PSPN: variants seen among roughly 807,000 people sequenced by gnomAD.
PSPN encodes the protein persephin.
A neutral mutation model predicts 9.4 loss-of-function variants in PSPN; 12 were observed. The ratio of observed to expected loss-of-function variants is 1.28; its 90% confidence interval spans 0.82 to 2.07. PSPN has a LOEUF of 2.07. PSPN is among the 30% of genes most tolerant of loss of function. The pLI, the probability that PSPN is intolerant of heterozygous loss-of-function variation, is 0.00. For synonymous variants in PSPN, 115 were observed against 106.4 expected, an observed-to-expected ratio of 1.08 and a Z score of -0.50; for missense variants, 229 against 227.4, an observed-to-expected ratio of 1.01 and a Z score of -0.05.
Position 6,375,813 on chromosome 19 carries a change from G to GC in PSPN, c.36dup (p.Leu13AlafsTer27). ...CCCTGTCCCAGCTGCAGGGACAGGAGCAGCAGGGAGCCCAGCAGGAACTTC... is the reference window on the plus strand; with the variant it reads ...CCCTGTCCCAGCTGCAGGGACAGGAGCCAGCAGGGAGCCCAGCAGGAACTTC... On this transcript the variant is annotated frameshift_variant, in exon 1 of 2. Coordinates refer to ENST00000245810, the MANE Select transcript of PSPN (RefSeq NM_004158.5). LOFTEE classifies it high-confidence loss of function. 6.2e-7 allele frequency: 1 copy of GC among 1,614,102 alleles called. No individual in the cohort carries two copies. The highest frequency in any genetic ancestry group is 8.5e-7 in the Non-Finnish European group (1 of 1,179,998).
In PSPN at chr19:6,375,474, G is replaced by T. The variant is rs771204750; in HGVS notation, c.291C>A (p.Cys97Ter). The part of the protein sequence containing the change: ...KVIFRYCAGS[C>*]PRGARTQHGL... ...CATGCTGGGTGCGGGCACCACGGGG[G>T]CAGCTGCCGGCGCAGTAGCGGAAGA... Residue 97 changes from cysteine (C) to a stop codon, truncating the protein, a stop_gained, in exon 2 of 2, where the codon TGC becomes TGA. Coordinates refer to ENST00000245810, the MANE Select transcript of PSPN (RefSeq NM_004158.5). LOFTEE classifies it high-confidence loss of function. 6.4e-7 allele frequency: 1 copy of T among 1,554,228 alleles called. No homozygotes were observed. Among genetic ancestry groups the T allele is most frequent in the Non-Finnish European group, 8.7e-7 (1 of 1,149,108 alleles).
At position 6,375,282 on chromosome 19, in the gene PSPN, G is replaced by A; in HGVS notation, c.*12C>T. ...CCAGCACTGCAGCTTCTGGGTGCCA[G>A]GCCGGGCACCCTCAGCCACCACAGC... On this transcript the variant is annotated 3_prime_UTR_variant, in exon 2 of 2. Coordinates refer to ENST00000245810, the MANE Select transcript of PSPN (RefSeq NM_004158.5). 7.1e-7 allele frequency: 1 copy of A among 1,408,384 alleles called. No homozygotes were observed. Among genetic ancestry groups the A allele is most frequent in the South Asian group, 1.5e-5 (1 of 64,642 alleles). 87.2% of individuals were successfully genotyped at this position (1,408,384 alleles called of 1,614,324 possible). A position where few individuals can be genotyped will look rare whatever the true frequency, so the allele number is the denominator to read the frequency against.
In PSPN at chr19:6,375,328, T is replaced by C; in HGVS notation, c.437A>G (p.Gln146Arg). The change falls in exon 2 of 2, where the codon CAG becomes CGG. Residue 146 changes from glutamine (Q) to arginine (R), a missense_variant. By Grantham distance (43) the Gln-to-Arg change is conservative. Coordinates refer to ENST00000245810, the MANE Select transcript of PSPN (RefSeq NM_004158.5). The stretch of plus-strand genomic sequence containing the variant: ...ACAGCCGCAGGCAGCCGCCGAGAGC[T>C]GGGGCAGCCGCTGCCAGCGGTGGCG... The part of the protein sequence containing the change: ...DDRHRWQRLP[Q>R]LSAAACGCGG 14 of 1,441,826 alleles carry C rather than the reference T, an allele frequency of 9.7e-6. No individual in the cohort carries two copies. Among genetic ancestry groups the C allele is most frequent in the Non-Finnish European group, 1.2e-5 (13 of 1,109,308 alleles). The allele number at this position is 1,441,826 out of a possible 1,614,324, so 89.3% of individuals were successfully genotyped here. A position where few individuals can be genotyped will look rare whatever the true frequency, so the allele number is the denominator to read the frequency against.
Position 6,375,602 on chromosome 19 carries a change from G to T in PSPN, c.163C>A (p.Leu55Ile). Residue 55 changes from leucine to isoleucine, a missense_variant, in exon 2 of 2, where the codon CTT becomes ATT. Leu to Ile is a conservative substitution (Grantham distance 5). Coordinates refer to ENST00000245810, the MANE Select transcript of PSPN (RefSeq NM_004158.5). Reference protein sequence around the residue: ...GGTWLGTHRPLARLRRALSGP... With the variant: ...GGTWLGTHRPIARLRRALSGP... ...GACAGGGCTCGGCGCAGGCGGGCAA[G>T]GGGGCGGTGGGTGCCTGTGGGAGGG... is the stretch of plus-strand genomic sequence containing the variant. 6.3e-7 allele frequency: 1 copy of T among 1,584,114 alleles called. No individual in the cohort carries two copies.
rs986229354 is a variant in PSPN, at chr19:6,375,930, C to T, written c.-81G>A. On this transcript the variant is annotated 5_prime_UTR_variant, in exon 1 of 2. Coordinates refer to ENST00000245810, the MANE Select transcript of PSPN (RefSeq NM_004158.5). ...GGCTGGGAGCTAACCTCTTCACTGCCGGCCCCTGCAGCCAGGAGGCCCCAC... is the reference window on the plus strand; with the variant it reads ...GGCTGGGAGCTAACCTCTTCACTGCTGGCCCCTGCAGCCAGGAGGCCCCAC... The T allele has an allele frequency of 4.0e-5, 64 of 1,581,706 alleles. No individual in the cohort carries two copies. The highest frequency in any genetic ancestry group is 6.9e-5 in the Admixed American group (4 of 57,770).
Position 6,375,280 on chromosome 19 carries a change from C to T in PSPN, c.*14G>A, listed in dbSNP as rs907553327. ...CCCCAGCACTGCAGCTTCTGGGTGC[C>T]AGGCCGGGCACCCTCAGCCACCACA... On this transcript the variant is annotated 3_prime_UTR_variant, in exon 2 of 2. Transcript: ENST00000245810. The T allele has an allele frequency of 4.3e-6, 6 of 1,407,254 alleles. No individual in the cohort carries two copies. The highest frequency in any genetic ancestry group is 5.5e-6 in the Non-Finnish European group (6 of 1,090,672). The allele number at this position is 1,407,254 out of a possible 1,614,324, so 87.2% of individuals were successfully genotyped here.
rs767589439 is a variant in PSPN at position 6,375,826 on chromosome 19, C to T, written c.24G>A (p.Leu8=). 1 of 1,614,040 alleles carries T rather than the reference C, an allele frequency of 6.2e-7. No homozygotes were observed. Among genetic ancestry groups the T allele is most frequent in the Non-Finnish European group, 8.5e-7 (1 of 1,179,970 alleles). MAVGKFL[L]GSLLLLSLQL... Reference sequence around the variant, plus strand: ...GCAGGGACAGGAGCAGCAGGGAGCCCAGCAGGAACTTCCCTACGGCCATTG... The same window carrying T: ...GCAGGGACAGGAGCAGCAGGGAGCCTAGCAGGAACTTCCCTACGGCCATTG... The change falls in exon 1 of 2, where the codon CTG becomes CTA. Residue 8 remains leucine, a synonymous_variant. Transcript: ENST00000245810.
In PSPN at chr19:6,375,527, G is replaced by A. The variant is rs1323669804; in HGVS notation, c.238C>T (p.Leu80=). ...SLTLSVAELG[L]GYASEEKVIF... is the part of the protein sequence containing the mutation. ...ACCTTCTCCTCTGAGGCGTAGCCCAGGCCTAGCTCTGCCACGGACAGGGTC... is the reference window on the plus strand; with the variant it reads ...ACCTTCTCCTCTGAGGCGTAGCCCAAGCCTAGCTCTGCCACGGACAGGGTC... Residue 80 remains leucine (L), a synonymous_variant, in exon 2 of 2, where the codon CTG becomes TTG. Coordinates refer to ENST00000245810, the MANE Select transcript of PSPN (RefSeq NM_004158.5). 3 of 1,567,366 alleles carry A rather than the reference G, an allele frequency of 1.9e-6. No individual in the cohort carries two copies. The highest frequency in any genetic ancestry group is 1.9e-5 in the Admixed American group (1 of 52,564).
At position 6,375,648 on chromosome 19, in the gene PSPN, G is replaced by A. The variant is rs975927960; in HGVS notation, c.149-32C>T. ...GAGGGAAGGGCGCTGACAGTGAGCAGGGTCAGGGCTGGGGAAAGTTGGGAA... is the reference window on the plus strand; with the variant it reads ...GAGGGAAGGGCGCTGACAGTGAGCAAGGTCAGGGCTGGGGAAAGTTGGGAA... On this transcript the variant is annotated intron_variant, in intron 1 of 1. Transcript: ENST00000245810. 8 of 1,603,194 alleles carry A rather than the reference G, an allele frequency of 5.0e-6. No individual in the cohort carries two copies. In the African/African-American group the frequency reaches 6.7e-5, roughly 13 times the overall value.
chr19:6,375,480 G>C lies in PSPN; in HGVS notation c.285C>G (p.Gly95=). The C allele has an allele frequency of 1.3e-6, 2 of 1,555,078 alleles. No homozygotes were observed. The highest frequency in any genetic ancestry group is 1.7e-6 in the Non-Finnish European group (2 of 1,149,516). Residue 95 remains glycine (G), a synonymous_variant, in exon 2 of 2, where the codon GGC becomes GGG. Coordinates refer to ENST00000245810, the MANE Select transcript of PSPN (RefSeq NM_004158.5). ...EEKVIFRYCA[G]SCPRGARTQH... Reference sequence around the variant, plus strand: ...GGGTGCGGGCACCACGGGGGCAGCTGCCGGCGCAGTAGCGGAAGATGACCT... The same window carrying C: ...GGGTGCGGGCACCACGGGGGCAGCTCCCGGCGCAGTAGCGGAAGATGACCT...
rs147164188 is a variant in PSPN at position 6,375,608 on chromosome 19, G to A, written c.157C>T (p.Arg53Cys). ...GCTCGGCGCAGGCGGGCAAGGGGGC[G>A]GTGGGTGCCTGTGGGAGGGAAGGGC... is the stretch of plus-strand genomic sequence containing the variant. ...KAGGTWLGTH[R>C]PLARLRRALS... The change falls in exon 2 of 2, where the codon CGC (arginine) becomes TGC (cysteine). Residue 53 changes from arginine to cysteine, a missense_variant. Physicochemically the swap from Arg to Cys is radical, Grantham distance 180 (BLOSUM62 -3). Coordinates refer to ENST00000245810, the MANE Select transcript of PSPN (RefSeq NM_004158.5). 27 of 1,585,752 alleles carry A rather than the reference G, an allele frequency of 1.7e-5. No individual in the cohort carries two copies. Among genetic ancestry groups the A allele is most frequent in the African/African-American group, 1.3e-4 (10 of 74,392 alleles).
In PSPN at chr19:6,375,460, C is replaced by T. The variant is rs138093884; in HGVS notation, c.305G>A (p.Arg102His). The T allele has an allele frequency of 1.1e-5, 17 of 1,545,330 alleles. No individual in the cohort carries two copies. In the East Asian group the frequency reaches 2.2e-4, roughly 20 times the overall value. The change falls in exon 2 of 2, where the codon CGC becomes CAC. Residue 102 changes from arginine to histidine, a missense_variant. Transcript: ENST00000245810. ...YCAGSCPRGARTQHGLALARL... is the reference protein window; with the variant it reads ...YCAGSCPRGAHTQHGLALARL... ...GGCCAGCGCCAGGCCATGCTGGGTG[C>T]GGGCACCACGGGGGCAGCTGCCGGC...
At position 6,375,256 on chromosome 19, in the gene PSPN, C is replaced by T. The variant is rs1362002912; in HGVS notation, c.*38G>A. 1 of 1,402,364 alleles carries T rather than the reference C, an allele frequency of 7.1e-7. No individual in the cohort carries two copies. The highest frequency in any genetic ancestry group is 2.8e-5 in the East Asian group (1 of 35,578). 86.9% of individuals were successfully genotyped at this position (1,402,364 alleles called of 1,614,324 possible). A position where few individuals can be genotyped will look rare whatever the true frequency, so the allele number is the denominator to read the frequency against. ...CCAATAAATAAGTCAGCCGAGCTCCCCCAGCACTGCAGCTTCTGGGTGCCA... is the reference window on the plus strand; with the variant it reads ...CCAATAAATAAGTCAGCCGAGCTCCTCCAGCACTGCAGCTTCTGGGTGCCA... On this transcript the variant is annotated 3_prime_UTR_variant, in exon 2 of 2. Coordinates refer to ENST00000245810, the MANE Select transcript of PSPN (RefSeq NM_004158.5).
chr19:6,375,916 A>C lies in PSPN; in HGVS notation c.-67T>G. 1.9e-6 allele frequency: 3 copies of C among 1,603,892 alleles called. No homozygotes were observed. Among genetic ancestry groups the C allele is most frequent in the Non-Finnish European group, 2.6e-6 (3 of 1,174,702 alleles). ...TTATGCCCTGCCTGGGCTGGGAGCT[A>C]ACCTCTTCACTGCCGGCCCCTGCAG... On this transcript the variant is annotated 5_prime_UTR_variant, in exon 1 of 2. Transcript: ENST00000245810.
chr19:6,375,152 G>A lies in PSPN; in HGVS notation c.*142C>T. On this transcript the variant is annotated 3_prime_UTR_variant, in exon 2 of 2. Coordinates refer to ENST00000245810, the MANE Select transcript of PSPN (RefSeq NM_004158.5). ...ACACATGGTCAAAGTCACAAGGCCG[G>A]GAGAGTGGTGTCCTTTATTGCACTC... 1 of 1,289,916 alleles carries A rather than the reference G, an allele frequency of 7.8e-7. No homozygotes were observed. The highest frequency in any genetic ancestry group is 1.0e-6 in the Non-Finnish European group (1 of 972,912). The allele number at this position is 1,289,916 out of a possible 1,614,324, so 79.9% of individuals were successfully genotyped here.
rs1240357484 is a variant in PSPN, at chr19:6,375,747, C to G, written c.103G>C (p.Glu35Gln). ...TTTGCCACCTGTTCAGACGAGAACT[C>G]TCCATCGGCCACGGGAACCCCACGG... is the stretch of plus-strand genomic sequence containing the variant. Reference protein sequence around the residue: ...DARGVPVADGEFSSEQVAKAG... With the variant: ...DARGVPVADGQFSSEQVAKAG... Residue 35 changes from glutamate (E) to glutamine (Q), a missense_variant, in exon 1 of 2, where the codon GAG becomes CAG. Physicochemically the swap from Glu to Gln is conservative, Grantham distance 29. Transcript: ENST00000245810. The G allele has an allele frequency of 1.2e-6, 2 of 1,614,074 alleles. No individual in the cohort carries two copies. Among genetic ancestry groups the G allele is most frequent in the South Asian group, 2.2e-5 (2 of 91,074 alleles).
chr19:6,375,154 A>G lies in PSPN; in HGVS notation c.*140T>C. On this transcript the variant is annotated 3_prime_UTR_variant, in exon 2 of 2. Transcript: ENST00000245810. ...ACATGGTCAAAGTCACAAGGCCGGGAGAGTGGTGTCCTTTATTGCACTCAC... is the reference window on the plus strand; with the variant it reads ...ACATGGTCAAAGTCACAAGGCCGGGGGAGTGGTGTCCTTTATTGCACTCAC... 7.8e-7 allele frequency: 1 copy of G among 1,286,952 alleles called. No individual in the cohort carries two copies. Among genetic ancestry groups the G allele is most frequent in the South Asian group, 1.6e-5 (1 of 61,252 alleles). 79.7% of individuals were successfully genotyped at this position (1,286,952 alleles called of 1,614,324 possible).
At position 6,375,280 on chromosome 19, in the gene PSPN, C is replaced by A; in HGVS notation, c.*14G>T. ...CCCCAGCACTGCAGCTTCTGGGTGC[C>A]AGGCCGGGCACCCTCAGCCACCACA... On this transcript the variant is annotated 3_prime_UTR_variant, in exon 2 of 2. Transcript: ENST00000245810. 7.1e-7 allele frequency: 1 copy of A among 1,407,254 alleles called. No individual in the cohort carries two copies. Among genetic ancestry groups the A allele is most frequent in the South Asian group, 1.6e-5 (1 of 64,508 alleles). The allele number at this position is 1,407,254 out of a possible 1,614,324, so 87.2% of individuals were successfully genotyped here.
At chr19:6,375,671 G>T in intron 1 of PSPN, 31 bp downstream of exon 1, 1 of 1,610,020 alleles carries the variant, frequency 6.2e-7, no homozygotes, top group South Asian at 1.1e-5. Flanking sequence ...GGAAAGTTGG[G>T]AAGTCACAGA....
Sources: gnomAD v4.1 joint callset for allele counts on GRCh38, gnomAD v4.1.1 for gene constraint, MANE v1.5 for transcripts, NCBI Gene and HGNC (gene_info 2026-07-23, HGNC 2026-07-21) for gene names.